Variants in UST observed in about 807,000 individuals in gnomAD.
UST encodes uronyl 2-sulfotransferase, also known as chondroitin sulfate 2-O-sulfotransferase.
Under a neutral mutation model 45.6 loss-of-function variants are expected in UST, and 21 were observed. The observed-to-expected ratio is 0.46, with a 90% CI of 0.33 to 0.66. The LOEUF is 0.66. Among genes scored for constraint, UST ranks in the 30% least tolerant of loss-of-function variants. The pLI is 0.02. For synonymous variants in UST, 215 were observed against 200.6 expected (o/e 1.07, Z -0.61); for missense variants, 463 against 512.4 (o/e 0.90, Z 0.93).
intron 2 of UST, among the ~76,000 whole-genome samples, chr6:148,905,282 G>C (rs979546196): frequency 6.6e-6 from 1 of 152,154 alleles, no homozygotes; most frequent in African/African-American, 2.4e-5. Flanking sequence ...GTGGCCTCTT[G>C]CTCTGGCAAG....
intron 1 of UST, among the ~76,000 whole-genome samples, chr6:148,761,932 A>G (rs568376792): frequency 5.9e-5 from 9 of 152,238 alleles, no homozygotes; most frequent in Non-Finnish European, 1.2e-4. Context: ...AAAAGTAAAA[A>G]TGGAGAAACG....
rs952255188 is a variant in UST, at chr6:148,747,304, G to T, written c.-127G>T. On this transcript the variant is annotated 5_prime_UTR_variant, in exon 1 of 8. Transcript: ENST00000367463. Reference sequence around the variant, plus strand: ...AGCCCGGCAACTTCGGCCCCTCCCCGCCCCCACCCGGCTGCCCTCCGCGCG... The same window carrying T: ...AGCCCGGCAACTTCGGCCCCTCCCCTCCCCCACCCGGCTGCCCTCCGCGCG... 1.7e-6 allele frequency: 2 copies of T among 1,186,014 alleles called. No individual in the cohort carries two copies. Among genetic ancestry groups the T allele is most frequent in the South Asian group, 2.7e-5 (1 of 37,522 alleles). 73.5% of individuals were successfully genotyped at this position (1,186,014 alleles called of 1,614,324 possible).
chr6:148,895,971 G>A (rs747455751), intron 2 of UST, among the ~76,000 whole-genome samples: 2 of 152,172 alleles, frequency 1.3e-5, no homozygotes, highest in Admixed American at 6.5e-5. Flanking sequence ...GAGGTTCCAT[G>A]TTCTATAGTA....
At chr6:148,766,460 C>A (rs1256012163) in intron 1 of UST, among the ~76,000 whole-genome samples, 3 of 152,166 alleles carry the variant, frequency 2.0e-5, no homozygotes, top group Non-Finnish European at 2.9e-5. Context: ...TAGACAGGTT[C>A]ATTCCTTCAA....
chr6:148,909,888 A>G (rs1779440881), intron 2 of UST, among the ~76,000 whole-genome samples: 1 of 152,226 alleles, frequency 6.6e-6, no homozygotes, highest in African/African-American at 2.4e-5. Flanking sequence ...TTCACAGGAT[A>G]GTGTATAATA....
intron 5 of UST, among the ~76,000 whole-genome samples, chr6:149,009,588 C>CACAT (rs1775771581): frequency 6.7e-6 from 1 of 149,418 alleles, no homozygotes; most frequent in South Asian, 2.1e-4. Flanking sequence ...CACACATAGA[C>CACAT]AGACACACAT....
chr6:148,854,941 A>C (rs1778173897), intron 1 of UST, among the ~76,000 whole-genome samples: 1 of 152,000 alleles, frequency 6.6e-6, no homozygotes, highest in Non-Finnish European at 1.5e-5. Flanking sequence ...TACAAAAGAA[A>C]GAGGTTTAAT....
intron 7 of UST, among the ~76,000 whole-genome samples, chr6:149,073,520 A>G (rs1776846472): frequency 1.3e-5 from 2 of 152,238 alleles, no homozygotes; most frequent in Non-Finnish European, 2.9e-5. Flanking sequence ...AAAAGAGGGA[A>G]AATGGATAGA....
At chr6:149,046,096 A>ATACACAG (rs1364414906) in intron 7 of UST, among the ~76,000 whole-genome samples, 6 of 152,214 alleles carry the variant, frequency 3.9e-5, no homozygotes, top group African/African-American at 1.4e-4. Flanking sequence ...CTTCAAATCC[A>ATACACAG]TACACAGCTT....
chr6:148,799,113 A>G (rs1009821448), intron 1 of UST, among the ~76,000 whole-genome samples: 1 of 152,098 alleles, frequency 6.6e-6, no homozygotes, highest in Non-Finnish European at 1.5e-5. Flanking sequence ...CAGGTGATTC[A>G]CCTGCCTTGG....
chr6:148,977,583 C>T (rs1447288282), intron 5 of UST, among the ~76,000 whole-genome samples: 1 of 151,940 alleles, frequency 6.6e-6, no homozygotes, highest in Non-Finnish European at 1.5e-5. Context: ...AACCCCGTCT[C>T]TACTAAAGAT....
At chr6:149,062,014 C>A (rs1776661774) in intron 7 of UST, among the ~76,000 whole-genome samples, 1 of 152,212 alleles carries the variant, frequency 6.6e-6, no homozygotes, top group Non-Finnish European at 1.5e-5. Context: ...GTGTTTGAAT[C>A]TTCAGTTAAT....
At chr6:149,037,785 C>T (rs528735621) in intron 7 of UST, among the ~76,000 whole-genome samples, 2 of 152,296 alleles carry the variant, frequency 1.3e-5, no homozygotes, top group African/African-American at 2.4e-5. Context: ...TTATTTTTAT[C>T]GTCATTTACA....
At chr6:148,775,024 GAA>G (rs1019562849) in intron 1 of UST, among the ~76,000 whole-genome samples, 1 of 145,750 alleles carries the variant, frequency 6.9e-6, no homozygotes, top group Non-Finnish European at 1.5e-5. Context: ...TCATCTCAAA[GAA>G]AAAAAAAAGA....
chr6:149,033,294 G>A (rs1343963188), intron 7 of UST, among the ~76,000 whole-genome samples: 2 of 152,186 alleles, frequency 1.3e-5, no homozygotes, highest in African/African-American at 2.4e-5. Flanking sequence ...CCCTGCCGGG[G>A]CGAAGTACAA....
chr6:148,958,352 G>A (rs1780568821), intron 4 of UST, among the ~76,000 whole-genome samples: 1 of 152,160 alleles, frequency 6.6e-6, no homozygotes, highest in Non-Finnish European at 1.5e-5. Flanking sequence ...TGCACAGCGA[G>A]CTCTCAGCAG....
intron 1 of UST, among the ~76,000 whole-genome samples, chr6:148,766,789 C>T (rs1158611919): frequency 1.3e-5 from 2 of 152,182 alleles, no homozygotes; most frequent in East Asian, 3.8e-4. Flanking sequence ...GTGTTAAAAG[C>T]TCCATGGGTA....
At chr6:148,914,915 A>G (rs1779555019) in intron 2 of UST, among the ~76,000 whole-genome samples, 1 of 152,192 alleles carries the variant, frequency 6.6e-6, no homozygotes, top group Non-Finnish European at 1.5e-5. Flanking sequence ...TATAAACTAC[A>G]GAAAGTTATT....
At chr6:148,990,020 T>C (rs1781317325) in intron 5 of UST, among the ~76,000 whole-genome samples, 1 of 152,214 alleles carries the variant, frequency 6.6e-6, no homozygotes, top group South Asian at 2.1e-4. Context: ...ATTAAGCGTT[T>C]AGGGGAAGAA....
Sources: allele counts gnomAD v4.1 joint callset (sites outside exome capture counted in the v4.1 genomes callset), GRCh38; gene constraint gnomAD v4.1.1; transcripts MANE v1.5; gene names NCBI Gene and HGNC (gene_info 2026-07-23, HGNC 2026-07-21).